The following REPS2 variants were observed in gnomAD, a reference collection of about 807,000 sequenced individuals.
REPS2 encodes the protein ralBP1-associated Eps domain-containing protein 2.
REPS2 carries 23 observed loss-of-function variants against 53.6 expected under a neutral mutation model. The ratio of observed to expected loss-of-function variants is 0.43; its 90% CI spans 0.31 to 0.61. The LOEUF is 0.61. REPS2 is among the 20% of genes least tolerant of loss of function. The probability of loss-of-function intolerance (pLI) is 0.11; values close to 1 mark genes in which losing one functional copy is unlikely to be tolerated. For missense variants in REPS2, 446 were observed against 534.9 expected, an observed-to-expected ratio of 0.83 and a Z score of 1.64; for synonymous variants, 238 against 218.6, an observed-to-expected ratio of 1.09 and a Z score of -0.78.
intron 1 of REPS2, among the ~76,000 whole-genome samples, chrX:16,979,795 C>CTTT (rs371364287): frequency 5.9e-5 from 6 of 101,882 alleles, no homozygotes; most frequent in African/African-American, 2.1e-4. Context: ...TAGGTTATTA[C>CTTT]TTTTTTTTTT....
chrX:17,064,584 A>G (rs1929343806), intron 9 of REPS2, among the ~76,000 whole-genome samples: 1 of 112,626 alleles, frequency 8.9e-6, no homozygotes, highest in Non-Finnish European at 1.9e-5. Flanking sequence ...TCTTTTTATG[A>G]GTGTCTCTTA....
rs1602466814 is a variant in REPS2, at chrX:16,946,959, G to T, written c.98G>T (p.Gly33Val). The change falls in exon 1 of 18, where the codon GGC becomes GTC. Residue 33 changes from glycine (G) to valine (V), a missense_variant. Transcript: ENST00000357277. ...SGPPPLLLSE[G>V]EQQCYSELFA... ...CCGCCGCCGCTGCTGCTGAGCGAGG[G>T]CGAGCAGCAGTGCTACTCCGAGCTC... is the stretch of plus-strand genomic sequence containing the variant. 1 of 884,708 alleles carries T rather than the reference G, an allele frequency of 1.1e-6. No homozygotes were observed. The highest frequency in any genetic ancestry group is 1.4e-6 in the Non-Finnish European group (1 of 721,837). 72.9% of individuals were successfully genotyped at this position (884,708 alleles called of 1,213,427 possible). A position where few individuals can be genotyped will look rare whatever the true frequency, so the allele number is the denominator to read the frequency against.
chrX:16,997,317 A>G, intron 1 of REPS2, among the ~76,000 whole-genome samples: 1 of 112,790 alleles, frequency 8.9e-6, no homozygotes, highest in Non-Finnish European at 1.9e-5. Flanking sequence ...CCTGGCACAT[A>G]GTCTACCCTC....
chrX:17,070,883 G>C (rs2062295172), intron 11 of REPS2, among the ~76,000 whole-genome samples: 1 of 108,867 alleles, frequency 9.2e-6, no homozygotes. Flanking sequence ...GGAGTTGGGG[G>C]AGTGGGAGAA....
intron 17 of REPS2, among the ~76,000 whole-genome samples, chrX:17,139,377 C>T (rs905709210): frequency 1.8e-4 from 20 of 111,423 alleles, no homozygotes; most frequent in African/African-American, 6.5e-4. Context: ...TACATCCTCT[C>T]TGAAAGAGGA....
rs1049187593 is a variant in REPS2 at position 16,953,123 on chromosome X, A to G, written c.273+5989A>G. Among the ~76,000 whole-genome samples the G allele has an allele frequency of 4.6e-5, 5 of 107,986 alleles. No homozygotes were observed. The South Asian group carries it at 1.2e-3, about 27-fold the overall frequency. The allele number at this position is 107,986 out of a possible 115,157, so 93.8% of individuals were successfully genotyped here. A position where few individuals can be genotyped will look rare whatever the true frequency, so the allele number is the denominator to read the frequency against. ...CAAACACACACACACACACACACACACACACACACACACACACACACAAAC... is the reference window on the plus strand; with the variant it reads ...CAAACACACACACACACACACACACGCACACACACACACACACACACAAAC... On this transcript the variant is annotated intron_variant, in intron 1 of 17. Coordinates refer to ENST00000357277, the MANE Select transcript of REPS2 (RefSeq NM_004726.3).
chrX:17,103,462 G>A (rs1183327846), intron 13 of REPS2, among the ~76,000 whole-genome samples: 1 of 111,648 alleles, frequency 9.0e-6, no homozygotes, highest in African/African-American at 3.3e-5. Context: ...TGCGTTTTAG[G>A]TGTCTTTTCT....
chrX:16,987,455 T>A (rs1371827835), intron 1 of REPS2, among the ~76,000 whole-genome samples: 2 of 112,559 alleles, frequency 1.8e-5, no homozygotes, highest in African/African-American at 6.5e-5. Flanking sequence ...TTCTCATAGA[T>A]AATGCAAAGA....
chrX:16,951,541 ACACACACACACACACACAC>A lies in REPS2; in HGVS notation c.273+4409_273+4427del, dbSNP rs1184697362. On this transcript the variant is annotated intron_variant, in intron 1 of 17. Transcript: ENST00000357277. ...CACACACACACACACACACACACACACACACACACACACACACACCCCCGCTACCTACCTCTCTCTGGGG... is the reference window on the plus strand; with the variant it reads ...CACACACACACACACACACACACACACCCCGCTACCTACCTCTCTCTGGGG... Among the ~76,000 whole-genome samples the A allele has an allele frequency of 9.5e-4, 53 of 55,744 alleles. No individual in the cohort carries two copies. The East Asian group carries it at 0.011, about 11-fold the overall frequency. The allele number at this position is 55,744 out of a possible 115,157, so 48.4% of individuals were successfully genotyped here.
intron 14 of REPS2, among the ~76,000 whole-genome samples, chrX:17,126,842 A>G (rs1407793206): frequency 8.9e-6 from 1 of 111,923 alleles, no homozygotes; most frequent in Non-Finnish European, 1.9e-5. Flanking sequence ...CTCAAAGCCT[A>G]AGATATTTAC....
At chrX:16,969,445 T>C (rs2060845586) in intron 1 of REPS2, among the ~76,000 whole-genome samples, 1 of 110,208 alleles carries the variant, frequency 9.1e-6, no homozygotes, top group African/African-American at 3.3e-5. Flanking sequence ...CATTGAGCAC[T>C]GAGTGAACGA....
chrX:17,084,228 T>C (rs906939445), intron 13 of REPS2, among the ~76,000 whole-genome samples: 1 of 111,979 alleles, frequency 8.9e-6, no homozygotes, highest in Non-Finnish European at 1.9e-5. Flanking sequence ...TCAAGGTTCA[T>C]CCATGTTGTA....
intron 2 of REPS2, among the ~76,000 whole-genome samples, chrX:17,020,273 A>G (rs2061555055): frequency 8.9e-6 from 1 of 112,470 alleles, no homozygotes; most frequent in African/African-American, 3.2e-5. Flanking sequence ...CAGGGAGCTT[A>G]TAAATACTGA....
chrX:17,020,468 T>C (rs2061558233), intron 2 of REPS2, among the ~76,000 whole-genome samples: 1 of 111,587 alleles, frequency 9.0e-6, no homozygotes, highest in South Asian at 3.7e-4. Context: ...TTACTAAGAA[T>C]CTAGAGTTTC....
intron 5 of REPS2, among the ~76,000 whole-genome samples, chrX:17,038,654 A>G (rs1188041694): frequency 8.9e-6 from 1 of 112,511 alleles, no homozygotes; most frequent in Non-Finnish European, 1.9e-5. Context: ...GTGTTTTGAC[A>G]GTGGAGTTTT....
chrX:17,182,231 G>C, the REPS2 span, among the ~76,000 whole-genome samples: 1 of 109,728 alleles, frequency 9.1e-6, no homozygotes, highest in Non-Finnish European at 1.9e-5. Flanking sequence ...TTGGAGTCCT[G>C]AGCTGCCCAT....
At chrX:17,131,357 A>G (rs2063289193) in intron 14 of REPS2, among the ~76,000 whole-genome samples, 1 of 111,611 alleles carries the variant, frequency 9.0e-6, no homozygotes, top group African/African-American at 3.3e-5. Context: ...GAGAAGAGGT[A>G]GCCATAACGT....
At chrX:16,948,240 T>C (rs2060465976) in intron 1 of REPS2, among the ~76,000 whole-genome samples, 1 of 112,769 alleles carries the variant, frequency 8.9e-6, no homozygotes, top group South Asian at 3.6e-4. Flanking sequence ...TTTATACTGC[T>C]GGAGTGTTTT....
At chrX:17,008,148 T>C (rs1162811283) in intron 2 of REPS2, among the ~76,000 whole-genome samples, 1 of 112,475 alleles carries the variant, frequency 8.9e-6, no homozygotes, top group Non-Finnish European at 1.9e-5. Flanking sequence ...TATTCATTGC[T>C]GCAAGACACA....
Sources: gnomAD v4.1 joint callset for allele counts (sites outside exome capture counted in the v4.1 genomes callset) on GRCh38, gnomAD v4.1.1 for gene constraint, MANE v1.5 for transcripts, NCBI Gene and HGNC (gene_info 2026-07-23, HGNC 2026-07-21) for gene names.